UHRF2: variants seen among roughly 807,000 people sequenced by gnomAD.
UHRF2 encodes the protein ubiquitin like with PHD and ring finger domains 2, also known as E3 ubiquitin-protein ligase UHRF2.
UHRF2 carries 23 observed loss-of-function variants against 96.8 expected under a neutral mutation model. The ratio of observed to expected loss-of-function variants is 0.24; its 90% CI spans 0.17 to 0.34. UHRF2 has a LOEUF of 0.34. UHRF2 is among the 10% of genes least tolerant of loss of function. UHRF2 has a pLI of 1.00. For missense variants in UHRF2, 685 were observed against 981.5 expected (o/e 0.70, Z 4.04); for synonymous variants, 385 against 332.6 (o/e 1.16, Z -1.72).
At chr9:6,475,352 T>C (rs756945974) in intron 4 of UHRF2, 39 bp from the exon 5 acceptor site, 1 of 1,323,384 alleles carries the variant, frequency 7.6e-7, no homozygotes, top group South Asian at 1.6e-5. Context: ...ACCTTAGATT[T>C]TGCTGGCAGA....
intron 9 of UHRF2, among the ~76,000 whole-genome samples, chr9:6,488,175 C>G (rs929384509): frequency 7.1e-6 from 1 of 140,260 alleles, no homozygotes; most frequent in Non-Finnish European, 1.5e-5. Context: ...CTCAGGAGGT[C>G]GAGGCTGTAG....
intron 2 of UHRF2, among the ~76,000 whole-genome samples, chr9:6,425,881 T>C (rs1438743915): frequency 1.3e-5 from 2 of 152,236 alleles, no homozygotes; most frequent in African/African-American, 4.8e-5. Context: ...ATATTTGTAC[T>C]AACCTGTGTA....
At position 6,413,490 on chromosome 9, in the gene UHRF2, G is replaced by C. The variant is rs775583957; in HGVS notation, c.-1G>C. ...GGACCGGTTCCTCTCTAGGCGCCAA[G>C]ATGTGGATACAGGTTCGCACCATTG... On this transcript the variant is annotated 5_prime_UTR_variant, in exon 1 of 16. Transcript: ENST00000276893. The C allele has an allele frequency of 1.9e-6, 3 of 1,548,220 alleles. No homozygotes were observed. The highest frequency in any genetic ancestry group is 2.8e-5 in the African/African-American group (2 of 70,428).
At chr9:6,501,706 GTGT>G in intron 14 of UHRF2, among the ~76,000 whole-genome samples, 1 of 152,218 alleles carries the variant, frequency 6.6e-6, no homozygotes, top group African/African-American at 2.4e-5. Flanking sequence ...ACTTTGAGAA[GTGT>G]TTACTTGTAT....
intron 2 of UHRF2, among the ~76,000 whole-genome samples, chr9:6,428,285 C>T (rs983829470): frequency 3.9e-5 from 6 of 152,072 alleles, no homozygotes; most frequent in Non-Finnish European, 7.4e-5. Context: ...AAACACCATC[C>T]AAGTTATGAA....
At chr9:6,453,954 A>T (rs1822023389) in intron 3 of UHRF2, among the ~76,000 whole-genome samples, 1 of 152,140 alleles carries the variant, frequency 6.6e-6, no homozygotes, top group Admixed American at 6.6e-5. Context: ...AGAACTATAG[A>T]CATAATTTTG....
chr9:6,425,752 T>G (rs546190212), intron 2 of UHRF2, among the ~76,000 whole-genome samples: 66 of 143,164 alleles, frequency 4.6e-4, no homozygotes, highest in Non-Finnish European at 7.5e-4. Flanking sequence ...TGAGTGAGAC[T>G]TCGTCTCAAA....
rs1460681708 is a variant in UHRF2 at position 6,451,223 on chromosome 9, T to A, written c.645-9350T>A. 3.3e-5 allele frequency among the ~76,000 whole-genome samples: 5 copies of A among 152,228 alleles called. No individual in the cohort carries two copies. The East Asian group carries it at 9.6e-4, about 29-fold the overall frequency. On this transcript the variant is annotated intron_variant, in intron 3 of 15. Transcript: ENST00000276893. The stretch of plus-strand genomic sequence containing the variant: ...GAAATATATCATTTGGGCTGTCTAG[T>A]GAACTTGGTGTGCTTTCACATAACT...
chr9:6,442,451 G>GGTTTT (rs892747865), intron 3 of UHRF2, among the ~76,000 whole-genome samples: 3 of 56,290 alleles, frequency 5.3e-5, no homozygotes, highest in African/African-American at 7.8e-5. Flanking sequence ...ATTGGCATAA[G>GGTTTT]GTTTTGTTTT....
At chr9:6,495,088 G>T (rs559752776) in intron 10 of UHRF2, 6 of 152,210 alleles carry the variant, frequency 3.9e-5, no homozygotes, top group Admixed American at 3.3e-4. Context: ...TTTGCAAAAG[G>T]ACTCTTTCAA....
chr9:6,442,604 A>G (rs953196460), intron 3 of UHRF2, among the ~76,000 whole-genome samples: 5 of 151,136 alleles, frequency 3.3e-5, no homozygotes, highest in Non-Finnish European at 5.9e-5. Context: ...TCCGCCTCTC[A>G]TGTAGCTGGG....
intron 10 of UHRF2, chr9:6,496,190 AC>A (rs1563806869): frequency 6.6e-6 from 1 of 152,048 alleles, no homozygotes; most frequent in Non-Finnish European, 1.5e-5. Context: ...AAAGAATTAA[AC>A]CCTGAAGAAG....
At chr9:6,422,916 A>C in intron 2 of UHRF2, 1 of 358,518 alleles carries the variant, frequency 2.8e-6, no homozygotes, top group Non-Finnish European at 4.9e-6. Flanking sequence ...AGAGAAATGA[A>C]ATTGATTTAT....
chr9:6,486,773 T>A, intron 8 of UHRF2, 48 bp from the exon 9 acceptor site: 1 of 1,571,916 alleles, frequency 6.4e-7, no homozygotes, highest in Non-Finnish European at 8.7e-7. Flanking sequence ...TGTAAATGTA[T>A]CTTAACTGTT....
intron 3 of UHRF2, among the ~76,000 whole-genome samples, chr9:6,458,292 A>G (rs972800440): frequency 6.6e-6 from 1 of 152,126 alleles, no homozygotes; most frequent in African/African-American, 2.4e-5. Context: ...TTATTTGTGT[A>G]GTATTCTCTG....
At chr9:6,459,469 G>A (rs909766743) in intron 3 of UHRF2, among the ~76,000 whole-genome samples, 2 of 152,128 alleles carry the variant, frequency 1.3e-5, no homozygotes, top group African/African-American at 4.8e-5. Context: ...AGGAGTTCGA[G>A]ACCAGCCTGG....
At chr9:6,503,509 A>G (rs187629224) in intron 14 of UHRF2, among the ~76,000 whole-genome samples, 4 of 152,186 alleles carry the variant, frequency 2.6e-5, no homozygotes, top group Middle Eastern at 3.4e-3. Flanking sequence ...TCTACTTTTT[A>G]TAATTTCCTC....
intron 4 of UHRF2, among the ~76,000 whole-genome samples, chr9:6,464,191 T>G (rs1392254558): frequency 6.6e-6 from 1 of 152,160 alleles, no homozygotes; most frequent in Non-Finnish European, 1.5e-5. Flanking sequence ...TGACTCCTAG[T>G]GGGGTTGAGA....
intron 3 of UHRF2, among the ~76,000 whole-genome samples, chr9:6,444,313 C>T (rs1459885175): frequency 1.3e-5 from 2 of 152,108 alleles, no homozygotes; most frequent in Non-Finnish European, 2.9e-5. Flanking sequence ...CTTGTAGGCT[C>T]CTGAGTGGAT....
Sources: allele counts gnomAD v4.1 joint callset (sites outside exome capture counted in the v4.1 genomes callset), GRCh38; gene constraint gnomAD v4.1.1; transcripts MANE v1.5; gene names NCBI Gene and HGNC (gene_info 2026-07-23, HGNC 2026-07-21).